The following SNRPN variants were observed in gnomAD, a reference collection of about 807,000 sequenced individuals.
The protein encoded by SNRPN is small nuclear ribonucleoprotein polypeptide N.
SNRPN carries 7 observed loss-of-function variants against 25.2 expected under a neutral mutation model. The observed-to-expected ratio is 0.28, with a 90% confidence interval of 0.16 to 0.52. The LOEUF (loss-of-function observed/expected upper bound fraction) is 0.52, where lower values mean the gene tolerates loss of function less well. SNRPN is among the 20% of genes least tolerant of loss of function. SNRPN has a pLI of 0.96. For missense variants in SNRPN, 196 were observed against 322.5 expected, an observed-to-expected ratio of 0.61 and a Z score of 3.00; for synonymous variants, 124 against 110.6, an observed-to-expected ratio of 1.12 and a Z score of -0.76.
intron 1 of SNRPN, among the ~76,000 whole-genome samples, chr15:24,876,189 A>G (rs1466446190): frequency 6.6e-6 from 1 of 152,162 alleles, no homozygotes; most frequent in Non-Finnish European, 1.5e-5. Flanking sequence ...CTTGCAGACT[A>G]ATGTCTTTAT....
At chr15:24,916,750 T>G (rs1038367612) in intron 2 of SNRPN, among the ~76,000 whole-genome samples, 2 of 152,218 alleles carry the variant, frequency 1.3e-5, no homozygotes, top group Non-Finnish European at 2.9e-5. Context: ...TGTACGGAGT[T>G]GGTTCCTTCC....
rs554940631 is a variant in SNRPN at position 24,897,461 on chromosome 15, T to C, written c.-505+10872T>C. On this transcript the variant is annotated intron_variant, in intron 2 of 11. Coordinates refer to the SNRPN transcript ENST00000400097. ...ATTAGCCGAGTGTGGTGGTGTGTGC[T>C]TGTAGTCCTAGCTATTCTGGAGGTT... Among the ~76,000 whole-genome samples the C allele has an allele frequency of 2.0e-5, 3 of 152,260 alleles. No individual in the cohort carries two copies. The South Asian group carries it at 6.2e-4, about 32-fold the overall frequency.
intron 1 of SNRPN, among the ~76,000 whole-genome samples, chr15:24,879,386 G>A (rs917293311): frequency 2.4e-4 from 36 of 150,860 alleles, no homozygotes; most frequent in African/African-American, 8.8e-4. Context: ...GCAGTGAGCC[G>A]AGATCCCGCC....
intron 2 of SNRPN, chr15:24,848,264 G>GGGCGGCGGCGGGGGCGGGGGCGGC (rs2052424603): frequency 1.0e-5 from 1 of 97,806 alleles, no homozygotes; most frequent in Non-Finnish European, 2.7e-5. Context: ...GCGGGGGCGG[G>GGGCGGCGGCGGGGGCGGGGGCGGC]GGCGGGGGCA....
chr15:24,878,280 T>C (rs1419743497), intron 1 of SNRPN, among the ~76,000 whole-genome samples: 2 of 152,174 alleles, frequency 1.3e-5, no homozygotes, highest in Non-Finnish European at 2.9e-5. Flanking sequence ...GCTACCCACA[T>C]GGCTATTACC....
intron 1 of SNRPN, among the ~76,000 whole-genome samples, chr15:24,882,947 C>T (rs1189014913): frequency 6.6e-6 from 1 of 151,996 alleles, no homozygotes; most frequent in South Asian, 2.1e-4. Flanking sequence ...CATTAGCCTA[C>T]ATTTGGGCAA....
In SNRPN at chr15:24,962,159, G is replaced by A; in HGVS notation, c.-345G>A. 1 of 1,614,144 alleles carries A rather than the reference G, an allele frequency of 6.2e-7. No individual in the cohort carries two copies. The highest frequency in any genetic ancestry group is 8.5e-7 in the Non-Finnish European group (1 of 1,180,028). ...GAACTACAGAACAGCACGTACCAGAGGTGGAAGTCCAAGTCAAACGCAGAA... is the reference window on the plus strand; with the variant it reads ...GAACTACAGAACAGCACGTACCAGAAGTGGAAGTCCAAGTCAAACGCAGAA... On this transcript the variant is annotated 5_prime_UTR_variant, in exon 2 of 10. Transcript: ENST00000390687.
intron 2 of SNRPN, among the ~76,000 whole-genome samples, chr15:24,965,285 C>A (rs2075442772): frequency 6.6e-6 from 1 of 152,130 alleles, no homozygotes; most frequent in South Asian, 2.1e-4. Flanking sequence ...CGCCTGTAAT[C>A]CCAGCACTTT....
chr15:24,885,158 T>C (rs2057084662), intron 1 of SNRPN, among the ~76,000 whole-genome samples: 3 of 152,046 alleles, frequency 2.0e-5, no homozygotes, highest in Admixed American at 1.3e-4. Flanking sequence ...CATATATTGT[T>C]ATGGGTATTG....
chr15:24,829,329 G>C (rs763146688), intron 1 of SNRPN, among the ~76,000 whole-genome samples: 1 of 152,102 alleles, frequency 6.6e-6, no homozygotes, highest in Non-Finnish European at 1.5e-5. Flanking sequence ...GCCTCCAGGA[G>C]GAGGAGCTTT....
At chr15:24,950,523 C>G (rs887197885), upstream of SNRPN, among the ~76,000 whole-genome samples, 2 of 145,984 alleles carry the variant, frequency 1.4e-5, no homozygotes, top group Non-Finnish European at 3.0e-5. Flanking sequence ...CATGTTTTTG[C>G]ATTAAGATAT....
intron 2 of SNRPN, chr15:24,919,891 C>T (rs2059934521): frequency 6.9e-6 from 1 of 144,404 alleles, no homozygotes; most frequent in Non-Finnish European, 1.5e-5. Context: ...TGTTCCTCTG[C>T]CCCATTTGTA....
At chr15:24,949,924 C>T (rs2647363) in intron 3 of SNRPN, among the ~76,000 whole-genome samples, 20,466 of 151,378 alleles carry the variant, frequency 0.14, 2,469 homozygotes, top group African/African-American at 0.33. Context: ...ACCTCCCTGG[C>T]TCAAGCAGTC....
intron 1 of SNRPN, among the ~76,000 whole-genome samples, chr15:24,864,746 A>C (rs979993513): frequency 6.6e-6 from 1 of 151,936 alleles, no homozygotes; most frequent in Admixed American, 6.6e-5. Flanking sequence ...TTTTAATTTA[A>C]ACTTAGTTCA....
intron 3 of SNRPN, among the ~76,000 whole-genome samples, chr15:24,924,123 C>G (rs2060229209): frequency 6.6e-6 from 1 of 150,814 alleles, no homozygotes; most frequent in South Asian, 2.1e-4. Flanking sequence ...ATAATTGAGT[C>G]CTTGAAAGAA....
Position 24,947,295 on chromosome 15 carries a change from T to C in SNRPN, c.-390-14819T>C, listed in dbSNP as rs139454302. Among the ~76,000 whole-genome samples the C allele has an allele frequency of 3.0e-3, 461 of 152,290 alleles. 3 individuals are homozygous for C. Among genetic ancestry groups the C allele is most frequent in the South Asian group, 0.017 (83 of 4,822 alleles). Reference sequence around the variant, plus strand: ...AAGGGAAGATGGACTGGGGATGATGTGGCAGTTATACAGGGAAAACTTCAC... The same window carrying C: ...AAGGGAAGATGGACTGGGGATGATGCGGCAGTTATACAGGGAAAACTTCAC... On this transcript the variant is annotated intron_variant, in intron 3 of 11. Transcript: ENST00000400097.
At position 24,864,285 on chromosome 15, in the gene SNRPN, C is replaced by G. The variant is rs576051323; in HGVS notation, c.-579+7569C>G. ...CCTTGTGATCCGCCCGCCTCGGCCT[C>G]CCAAAGTGCTAGGATTACAGGCAAG... On this transcript the variant is annotated intron_variant, in intron 1 of 11. Transcript: ENST00000400097. Among the ~76,000 whole-genome samples the G allele has an allele frequency of 1.0e-3, 157 of 150,218 alleles. 7 individuals are homozygous for G. The South Asian group carries it at 0.032, about 31-fold the overall frequency.
In SNRPN at chr15:24,974,374, C is replaced by T; in HGVS notation, c.-80C>T. On this transcript the variant is annotated 5_prime_UTR_variant, in exon 4 of 10. Coordinates refer to ENST00000390687, the MANE Select transcript of SNRPN (RefSeq NM_003097.6). ...TGTTTCTAGGAGAACCTGCGTCATA[C>T]CTTTATCTATAGCCTTCCCCTAGGT... The T allele has an allele frequency of 7.4e-7, 1 of 1,356,918 alleles. No individual in the cohort carries two copies. Among genetic ancestry groups the T allele is most frequent in the Admixed American group, 1.7e-5 (1 of 59,678 alleles). 84.1% of individuals were successfully genotyped at this position (1,356,918 alleles called of 1,614,324 possible). A position where few individuals can be genotyped will look rare whatever the true frequency, so the allele number is the denominator to read the frequency against.
chr15:24,826,863 G>A (rs1183594295), intron 1 of SNRPN, among the ~76,000 whole-genome samples: 1 of 151,984 alleles, frequency 6.6e-6, no homozygotes, highest in Non-Finnish European at 1.5e-5. Flanking sequence ...AGGCAATTTT[G>A]TCATTATGAG....
Sources: gnomAD v4.1 joint callset for allele counts (sites outside exome capture counted in the v4.1 genomes callset) on GRCh38, gnomAD v4.1.1 for gene constraint, MANE v1.5 for transcripts, NCBI Gene and HGNC (gene_info 2026-07-23, HGNC 2026-07-21) for gene names.